Variants in PRKCQ observed in about 807,000 individuals in gnomAD.
PRKCQ encodes the protein protein kinase C theta, also known as protein kinase C theta type.
Under a neutral mutation model 91.2 loss-of-function variants are expected in PRKCQ, and 41 were observed. That is an observed-to-expected ratio of 0.45 (90% confidence interval 0.35 to 0.58). PRKCQ has a LOEUF of 0.58. Among genes scored for constraint, PRKCQ ranks in the 20% least tolerant of loss-of-function variants. The probability of loss-of-function intolerance (pLI) is 0.00; values close to 1 mark genes in which losing one functional copy is unlikely to be tolerated. For synonymous variants in PRKCQ, 307 were observed against 316.9 expected (o/e 0.97, Z 0.33); for missense variants, 673 against 896.5 (o/e 0.75, Z 3.18).
intron 8 of PRKCQ, among the ~76,000 whole-genome samples, chr10:6,490,875 C>T (rs1291836626): frequency 1.3e-5 from 2 of 149,306 alleles, no homozygotes; most frequent in Admixed American, 6.8e-5. Context: ...AGCAGAGTGC[C>T]TTGTCAGTTC....
chr10:6,568,129 T>C (rs1040569121), intron 1 of PRKCQ, among the ~76,000 whole-genome samples: 1 of 152,006 alleles, frequency 6.6e-6, no homozygotes, highest in African/African-American at 2.4e-5. Flanking sequence ...TCTCAGCTAC[T>C]CAGGTGAGGC....
rs748100103 is a variant in PRKCQ at position 6,428,230 on chromosome 10, C to A, written c.2098G>T (p.Gly700Trp). The A allele has an allele frequency of 1.2e-6, 2 of 1,614,166 alleles. No individual in the cohort carries two copies. Among genetic ancestry groups the A allele is most frequent in the Admixed American group, 1.7e-5 (1 of 60,028 alleles). The stretch of plus-strand genomic sequence containing the variant: ...ATTCAGGATATCAGCCGCTCCATCC[C>A]GGGGTTCATGAAGGAAAAGTTCCTG... ...MFRNFSFMNP[G>W]MERLIS is the part of the protein sequence containing the mutation. The change falls in exon 18 of 18, where the codon GGG (glycine) becomes TGG (tryptophan). Residue 700 changes from glycine to tryptophan, a missense_variant. Gly to Trp is a radical substitution (Grantham distance 184). Transcript: ENST00000263125.
chr10:6,431,948 A>T (rs1034478344), intron 16 of PRKCQ, among the ~76,000 whole-genome samples: 1 of 152,248 alleles, frequency 6.6e-6, no homozygotes, highest in South Asian at 2.1e-4. Flanking sequence ...AAGACAGGAA[A>T]GAAACTTGGA....
intron 14 of PRKCQ, 68 bp downstream of exon 14, chr10:6,462,235 C>A: frequency 7.0e-7 from 1 of 1,421,512 alleles, no homozygotes; most frequent in Non-Finnish European, 9.9e-7. Context: ...GCACTCGGTG[C>A]AATGATTAAA....
At chr10:6,442,990 A>G (rs1365964879) in intron 15 of PRKCQ, among the ~76,000 whole-genome samples, 1 of 152,106 alleles carries the variant, frequency 6.6e-6, no homozygotes, top group Non-Finnish European at 1.5e-5. Flanking sequence ...CAAAGCACTC[A>G]AATCTAGAAA....
At chr10:6,545,494 G>C (rs1839917239) in intron 1 of PRKCQ, among the ~76,000 whole-genome samples, 1 of 152,198 alleles carries the variant, frequency 6.6e-6, no homozygotes, top group South Asian at 2.1e-4. Flanking sequence ...GACACCAAGG[G>C]ACAAATGTTA....
chr10:6,540,571 T>A (rs1839740011), intron 1 of PRKCQ, among the ~76,000 whole-genome samples: 1 of 152,242 alleles, frequency 6.6e-6, no homozygotes. Flanking sequence ...GAAAGTTTCA[T>A]GCCTTTTTAA....
At chr10:6,478,908 G>A (rs1836421383) in intron 12 of PRKCQ, 84 bp downstream of exon 12, 12 of 1,447,232 alleles carry the variant, frequency 8.3e-6, no homozygotes, top group South Asian at 5.3e-5. Context: ...GCAATGACTC[G>A]TGTCTCCTAA....
chr10:6,395,579 A>C, the PRKCQ span, among the ~76,000 whole-genome samples: 1 of 152,110 alleles, frequency 6.6e-6, no homozygotes, highest in African/African-American at 2.4e-5. Context: ...CTAAACCATA[A>C]TTTCTAATCT....
At chr10:6,541,713 C>T (rs978651522) in intron 1 of PRKCQ, among the ~76,000 whole-genome samples, 1 of 152,124 alleles carries the variant, frequency 6.6e-6, no homozygotes, top group African/African-American at 2.4e-5. Context: ...AACAACTAAA[C>T]AGGAATCCTC....
At chr10:6,531,489 C>A (rs1052702357) in intron 1 of PRKCQ, among the ~76,000 whole-genome samples, 18 of 151,396 alleles carry the variant, frequency 1.2e-4, no homozygotes, top group South Asian at 2.1e-4. Flanking sequence ...AAGCACCCCC[C>A]CAAAACCAAT....
chr10:6,466,351 C>T (rs1835653449), intron 12 of PRKCQ, among the ~76,000 whole-genome samples: 1 of 152,172 alleles, frequency 6.6e-6, no homozygotes, highest in African/African-American at 2.4e-5. Flanking sequence ...TAGTGGTGAG[C>T]ATTGGGGGGG....
chr10:6,402,867 G>A, the PRKCQ span, among the ~76,000 whole-genome samples: 1 of 152,202 alleles, frequency 6.6e-6, no homozygotes, highest in Non-Finnish European at 1.5e-5. Context: ...CTGAGATTGT[G>A]TCACTGCACT....
intron 4 of PRKCQ, among the ~76,000 whole-genome samples, chr10:6,501,578 T>C (rs1837915271): frequency 6.6e-6 from 1 of 151,698 alleles, no homozygotes; most frequent in Non-Finnish European, 1.5e-5. Context: ...TCCCAGCACT[T>C]TGGGAGGCCG....
the PRKCQ span, among the ~76,000 whole-genome samples, chr10:6,406,955 C>A: frequency 6.6e-6 from 1 of 152,124 alleles, no homozygotes; most frequent in Admixed American, 6.5e-5. Context: ...TTGAAATGAA[C>A]GAATGCACTT....
chr10:6,399,234 AGTAG>A, the PRKCQ span, among the ~76,000 whole-genome samples: 3 of 152,252 alleles, frequency 2.0e-5, no homozygotes, highest in Non-Finnish European at 4.4e-5. Context: ...CCTTGCATAT[AGTAG>A]GTCCTCGATA....
At chr10:6,402,514 G>A in the PRKCQ span, among the ~76,000 whole-genome samples, 4 of 152,158 alleles carry the variant, frequency 2.6e-5, no homozygotes, top group African/African-American at 9.7e-5. Flanking sequence ...TGCTCGGGTT[G>A]CCTTGGCAAC....
intron 16 of PRKCQ, among the ~76,000 whole-genome samples, chr10:6,432,766 C>T (rs1833486585): frequency 6.6e-6 from 1 of 152,132 alleles, no homozygotes; most frequent in Non-Finnish European, 1.5e-5. Context: ...ACTCACAGGA[C>T]CTTCCATTTC....
the PRKCQ span, among the ~76,000 whole-genome samples, chr10:6,421,598 C>T: frequency 1.1e-4 from 17 of 152,328 alleles, no homozygotes; most frequent in Middle Eastern, 3.4e-3. This position sits in a 1 kb window ranked among gnomAD's most constrained non-coding sequence, Gnocchi z 4.1. Flanking sequence ...TCCATCACAG[C>T]AGAAAGTTCT....
Sources: allele counts gnomAD v4.1 joint callset (sites outside exome capture counted in the v4.1 genomes callset), GRCh38; gene constraint gnomAD v4.1.1; non-coding constraint Gnocchi (gnomAD v3.1); transcripts MANE v1.5; gene names NCBI Gene and HGNC (gene_info 2026-07-23, HGNC 2026-07-21).